Variants in FBLN7 observed in about 807,000 individuals in gnomAD.
FBLN7 encodes the protein fibulin 7.
In FBLN7, 31 loss-of-function variants were observed where a neutral mutation model predicts 44.0. That is an observed-to-expected ratio of 0.70 (90% CI 0.53 to 0.95). The LOEUF (loss-of-function observed/expected upper bound fraction) is 0.95. FBLN7 is among the 40% of genes least tolerant of loss of function. The pLI is 0.00. For missense variants in FBLN7, 573 were observed against 618.5 expected (o/e 0.93, Z 0.78); for synonymous variants, 262 against 253.4 (o/e 1.03, Z -0.32).
At chr2:112,178,532 T>C (rs1682840806) in intron 4 of FBLN7, among the ~76,000 whole-genome samples, 1 of 152,110 alleles carries the variant, frequency 6.6e-6, no homozygotes, top group Non-Finnish European at 1.5e-5. Flanking sequence ...TACCAAAACC[T>C]GGCAGAGACA....
chr2:112,216,964 T>C, the FBLN7 span, among the ~76,000 whole-genome samples: 1 of 152,152 alleles, frequency 6.6e-6, no homozygotes, highest in Non-Finnish European at 1.5e-5. Context: ...TCAACAAATG[T>C]GAATGGTCTT....
the FBLN7 span, among the ~76,000 whole-genome samples, chr2:112,235,658 G>C: frequency 2.0e-5 from 3 of 152,076 alleles, no homozygotes; most frequent in Non-Finnish European, 4.4e-5. Flanking sequence ...CAGAAAAGTG[G>C]AATCCAGAAG....
chr2:112,238,455 C>T, the FBLN7 span: 2 of 1,613,400 alleles, frequency 1.2e-6, no homozygotes, highest in Non-Finnish European at 1.7e-6. Flanking sequence ...ATCATTATCA[C>T]TATATACATC....
At chr2:112,144,687 C>T (rs1435761793) in intron 1 of FBLN7, among the ~76,000 whole-genome samples, 1 of 152,030 alleles carries the variant, frequency 6.6e-6, no homozygotes, top group Non-Finnish European at 1.5e-5. Flanking sequence ...CCACCACGCC[C>T]AGCTAATTTT....
intron 1 of FBLN7, among the ~76,000 whole-genome samples, chr2:112,157,936 G>A (rs549912538): frequency 4.5e-4 from 64 of 142,494 alleles, no homozygotes; most frequent in African/African-American, 1.2e-3. Context: ...TCTCGCTGTC[G>A]CCCAGGTTGG....
chr2:112,190,244 T>C (rs913993247), downstream of FBLN7: 3 of 152,234 alleles, frequency 2.0e-5, no homozygotes, highest in Non-Finnish European at 4.4e-5. Flanking sequence ...AGGAGCAAAA[T>C]ATCTGGTTGC....
chr2:112,234,007 A>AT, the FBLN7 span: 8 of 639,504 alleles, frequency 1.3e-5, no homozygotes, highest in African/African-American at 1.9e-5. Flanking sequence ...TTTCTAACTG[A>AT]TTTTTTTCCA....
intron 7 of FBLN7, among the ~76,000 whole-genome samples, chr2:112,185,846 A>C (rs936427527): frequency 1.5e-4 from 22 of 151,528 alleles, no homozygotes; most frequent in African/African-American, 5.3e-4. Flanking sequence ...TAGTAACTGC[A>C]ACTCTTAAAC....
At chr2:112,194,645 C>T in the FBLN7 span, among the ~76,000 whole-genome samples, 3 of 152,206 alleles carry the variant, frequency 2.0e-5, no homozygotes, top group African/African-American at 7.2e-5. Flanking sequence ...TGAGTACTTA[C>T]TAAATTGAAT....
At chr2:112,243,191 G>T in the FBLN7 span, among the ~76,000 whole-genome samples, 2 of 152,232 alleles carry the variant, frequency 1.3e-5, no homozygotes, top group African/African-American at 2.4e-5. Context: ...ATTTGCAGCA[G>T]ATATATTTTG....
chr2:112,163,656 G>A (rs1052712335), intron 2 of FBLN7, among the ~76,000 whole-genome samples: 1 of 152,180 alleles, frequency 6.6e-6, no homozygotes, highest in African/African-American at 2.4e-5. Flanking sequence ...ACCCTGGCCT[G>A]AGCTTCCCTC....
intron 2 of FBLN7, among the ~76,000 whole-genome samples, chr2:112,160,746 G>GCACA (rs1225661028): frequency 1.2e-5 from 1 of 86,214 alleles, no homozygotes; most frequent in African/African-American, 4.3e-5. Context: ...ACGCACACAC[G>GCACA]CGCACGCACA....
the FBLN7 span, among the ~76,000 whole-genome samples, chr2:112,198,136 G>C: frequency 6.6e-6 from 1 of 152,106 alleles, no homozygotes; most frequent in Non-Finnish European, 1.5e-5. Flanking sequence ...CAGGCCTGCT[G>C]TCTCCCTCCT....
rs569021457 is a variant in FBLN7 at position 112,160,803 on chromosome 2, C to G, written c.235+968C>G. ...ACACGCACGCACACGCACACACGCA[C>G]GCACACACACGCACACACAAGCACG... On this transcript the variant is annotated intron_variant, in intron 2 of 7. Coordinates refer to ENST00000331203, the MANE Select transcript of FBLN7 (RefSeq NM_153214.3). Among the ~76,000 whole-genome samples, 640 of 148,614 alleles carry G rather than the reference C, an allele frequency of 4.3e-3. 4 individuals are homozygous for G. Among genetic ancestry groups the G allele is most frequent in the African/African-American group, 0.015 (592 of 39,814 alleles).
At chr2:112,198,501 A>G in the FBLN7 span, among the ~76,000 whole-genome samples, 2 of 151,978 alleles carry the variant, frequency 1.3e-5, no homozygotes, top group Non-Finnish European at 2.9e-5. Context: ...AGCCAGGTGT[A>G]TTGGTAGACA....
intron 4 of FBLN7, chr2:112,176,983 G>A (rs1682767580): frequency 6.6e-6 from 1 of 151,214 alleles, no homozygotes; most frequent in Non-Finnish European, 1.5e-5. Context: ...GCCCAGGCTG[G>A]AGTGTGCAGT....
Position 112,159,795 on chromosome 2 carries a change from G to A in FBLN7, c.195G>A (p.Leu65=). Residue 65 remains leucine, a synonymous_variant, in exon 2 of 8, where the codon CTG becomes CTA. Transcript: ENST00000331203. ...ACATGAAGAGCCGGCTGGCCGCGCT[G>A]CAGAACTCTGTGGGCAGGGTGGGCC... is the stretch of plus-strand genomic sequence containing the variant. ...IRHMKSRLAA[L]QNSVGRVGPD... 6.3e-7 allele frequency: 1 copy of A among 1,590,254 alleles called. No homozygotes were observed. Among genetic ancestry groups the A allele is most frequent in the Non-Finnish European group, 8.6e-7 (1 of 1,169,408 alleles).
intron 2 of FBLN7, among the ~76,000 whole-genome samples, chr2:112,160,053 C>G (rs1027801682): frequency 3.2e-4 from 49 of 152,170 alleles, no homozygotes; most frequent in African/African-American, 7.2e-4. Flanking sequence ...TGCAGTGGCG[C>G]GATCTCGGCT....
At chr2:112,164,915 C>T (rs545974776) in intron 2 of FBLN7, 86 bp from the exon 3 acceptor site, 6 of 1,459,258 alleles carry the variant, frequency 4.1e-6, no homozygotes, top group South Asian at 2.6e-5. Flanking sequence ...GAGGGCACTT[C>T]GAGATGGGAA....
Sources: allele counts gnomAD v4.1 joint callset (sites outside exome capture counted in the v4.1 genomes callset), GRCh38; gene constraint gnomAD v4.1.1; transcripts MANE v1.5; gene names NCBI Gene and HGNC (gene_info 2026-07-23, HGNC 2026-07-21).